Variants in WWOX observed in about 807,000 individuals in gnomAD.
The protein encoded by WWOX is WW domain-containing oxidoreductase.
Under a neutral mutation model 46.2 loss-of-function variants are expected in WWOX, and 69 were observed. The observed-to-expected ratio is 1.49, with a 90% CI of 1.23 to 1.82. The LOEUF is 1.82. WWOX is among the 40% of genes most tolerant of loss of function. The probability of loss-of-function intolerance (pLI) is 0.00; values close to 1 mark genes in which losing one functional copy is unlikely to be tolerated. For missense variants in WWOX, 919 were observed against 542.6 expected, an observed-to-expected ratio of 1.69 and a Z score of -6.89; for synonymous variants, 359 against 202.6, an observed-to-expected ratio of 1.77 and a Z score of -6.56.
rs750802609 is a variant in WWOX at position 79,087,564 on chromosome 16, ACT to A, written c.1057-124041_1057-124040del. On this transcript the variant is annotated intron_variant, in intron 8 of 8. Transcript: ENST00000566780. ...GCCAACAGGAGAAAGCCAGAGCAAG[ACT>A]CTGTGCTGGACAAGAAGTCCTGAGC... is the stretch of plus-strand genomic sequence containing the variant. 5.8e-4 allele frequency among the ~76,000 whole-genome samples: 88 copies of A among 151,276 alleles called. 1 individual carries two copies. Among genetic ancestry groups the A allele is most frequent in the Non-Finnish European group, 7.4e-4 (50 of 67,392 alleles).
In WWOX at chr16:78,099,851, A is replaced by G. The variant is rs2031633135; in HGVS notation, c.73A>G (p.Arg25Gly). The G allele has an allele frequency of 1.9e-6, 3 of 1,580,534 alleles. No individual in the cohort carries two copies. The highest frequency in any genetic ancestry group is 2.6e-6 in the Non-Finnish European group (3 of 1,164,144). The change falls in exon 1 of 9, where the codon AGA becomes GGA. Residue 25 changes from arginine to glycine, a missense_variant. Transcript: ENST00000566780. The part of the protein sequence containing the change: ...EDELPPGWEE[R>G]TTKDGWVYYA... ...CGAGCTGCCTCCGGGCTGGGAGGAG[A>G]GAACCACCAAGGACGGCTGGGTTTA...
At chr16:78,566,963 C>A (rs564439008) in intron 8 of WWOX, among the ~76,000 whole-genome samples, 12 of 152,304 alleles carry the variant, frequency 7.9e-5, no homozygotes, top group African/African-American at 2.6e-4. Flanking sequence ...ATGGAAGCAA[C>A]CACCAGTGTA....
chr16:79,077,642 C>CCTTTTTTTTTT (rs1555523689), intron 8 of WWOX: 1 of 143,990 alleles, frequency 6.9e-6, no homozygotes, highest in Non-Finnish European at 1.5e-5. Context: ...ATGGTCCCCC[C>CCTTTTTTTTTT]TTTTTTTTTT....
intron 8 of WWOX, among the ~76,000 whole-genome samples, chr16:78,928,573 G>C (rs966018191): frequency 6.6e-6 from 1 of 152,092 alleles, no homozygotes; most frequent in South Asian, 2.1e-4. Context: ...GATATTTGAT[G>C]CTTTGGGGGC....
intron 8 of WWOX, among the ~76,000 whole-genome samples, chr16:78,760,425 A>G (rs1363263042): frequency 1.3e-5 from 2 of 152,204 alleles, no homozygotes; most frequent in East Asian, 3.9e-4. Flanking sequence ...ACTTAATCAC[A>G]CTTGCATTTG....
At chr16:78,552,577 G>C (rs549636960) in intron 8 of WWOX, 1 of 152,116 alleles carries the variant, frequency 6.6e-6, no homozygotes, top group East Asian at 1.9e-4. Flanking sequence ...CCGGTGGGAG[G>C]TCAGATTTCC....
chr16:78,596,951 C>A (rs2151611039), intron 8 of WWOX, among the ~76,000 whole-genome samples: 1 of 152,274 alleles, frequency 6.6e-6, no homozygotes, highest in Admixed American at 6.5e-5. Flanking sequence ...GCGGTCTAAA[C>A]AGTAACCATG....
chr16:78,969,357 T>C (rs2062902), intron 8 of WWOX, among the ~76,000 whole-genome samples: 94,429 of 151,350 alleles, frequency 0.62, 29,653 homozygotes, highest in African/African-American at 0.67. Context: ...GCACCCTCCA[T>C]CTCCCTGGTT....
intron 8 of WWOX, among the ~76,000 whole-genome samples, chr16:79,026,115 C>G (rs745570926): frequency 6.6e-6 from 1 of 151,488 alleles, no homozygotes; most frequent in South Asian, 2.1e-4. Flanking sequence ...TTGCCCTTTT[C>G]AAAACACTAA....
chr16:78,466,054 C>A (rs1035943841), intron 8 of WWOX, among the ~76,000 whole-genome samples: 3 of 150,674 alleles, frequency 2.0e-5, no homozygotes, highest in Admixed American at 6.6e-5. Context: ...TTTTTTGAGA[C>A]GGAGTCTTGC....
chr16:79,105,068 A>G (rs1478928220), intron 8 of WWOX, among the ~76,000 whole-genome samples: 1 of 152,106 alleles, frequency 6.6e-6, no homozygotes. Context: ...AAAATGTGAT[A>G]TGACAGACTG....
rs1383421985 is a variant in WWOX, at chr16:78,339,172, T to G, written c.517-47688T>G. On this transcript the variant is annotated intron_variant, in intron 5 of 8. Coordinates refer to ENST00000566780, the MANE Select transcript of WWOX (RefSeq NM_016373.4). ...GTTTAAGAAGACAGTTTTTTTTGTT[T>G]AAATTGTTATAAATAAGTAAGTGTA... 3.3e-5 allele frequency among the ~76,000 whole-genome samples: 4 copies of G among 119,986 alleles called. 2 individuals carry two copies. Among genetic ancestry groups the G allele is most frequent in the Non-Finnish European group, 4.0e-5 (2 of 50,348 alleles). 78.7% of individuals were successfully genotyped at this position (119,986 alleles called of 152,430 possible).
At chr16:78,991,224 C>A (rs147182725) in intron 8 of WWOX, among the ~76,000 whole-genome samples, 6 of 152,302 alleles carry the variant, frequency 3.9e-5, no homozygotes, top group African/African-American at 1.4e-4. Context: ...TCACCCTGAA[C>A]TATTTCTTGG....
intron 8 of WWOX, among the ~76,000 whole-genome samples, chr16:78,849,872 C>T (rs1336120951): frequency 2.6e-5 from 4 of 151,974 alleles, no homozygotes; most frequent in Non-Finnish European, 4.4e-5. Flanking sequence ...TGGGAGTTCG[C>T]GACCAGCCTG....
chr16:78,766,809 A>G (rs1446193246), intron 8 of WWOX, among the ~76,000 whole-genome samples: 2 of 152,160 alleles, frequency 1.3e-5, no homozygotes, highest in Non-Finnish European at 2.9e-5. Context: ...ACAACTTAGT[A>G]TTTATCATTT....
intron 8 of WWOX, among the ~76,000 whole-genome samples, chr16:78,609,742 C>G (rs996971569): frequency 6.6e-6 from 1 of 152,164 alleles, no homozygotes; most frequent in Admixed American, 6.5e-5. Flanking sequence ...GTTTGGAAAA[C>G]AAAGGGGTGA....
intron 8 of WWOX, among the ~76,000 whole-genome samples, chr16:78,956,728 CA>C (rs2046174697): frequency 6.6e-6 from 1 of 152,012 alleles, no homozygotes; most frequent in South Asian, 2.1e-4. Context: ...TTTTGAGTTT[CA>C]AAAGTGTGCC....
At chr16:78,937,006 A>C (rs2151288238) in intron 8 of WWOX, among the ~76,000 whole-genome samples, 1 of 152,332 alleles carries the variant, frequency 6.6e-6, no homozygotes, top group East Asian at 1.9e-4. Flanking sequence ...ACGGTCATAT[A>C]CTGTTTGGTA....
intron 8 of WWOX, among the ~76,000 whole-genome samples, chr16:78,714,920 G>A (rs2142334500): frequency 6.6e-6 from 1 of 152,300 alleles, no homozygotes; most frequent in South Asian, 2.1e-4. Context: ...TGACATGTTT[G>A]AAATGATAGA....
Sources: gnomAD v4.1 joint callset for allele counts (sites outside exome capture counted in the v4.1 genomes callset) on GRCh38, gnomAD v4.1.1 for gene constraint, MANE v1.5 for transcripts, NCBI Gene and HGNC (gene_info 2026-07-23, HGNC 2026-07-21) for gene names.